ITPR1: variants seen among roughly 807,000 people sequenced by gnomAD.
The protein encoded by ITPR1 is inositol 1,4,5-trisphosphate receptor type 1.
Under a neutral mutation model 318.4 loss-of-function variants are expected in ITPR1, and 96 were observed. The ratio of observed to expected loss-of-function variants is 0.30; its 90% CI spans 0.26 to 0.36. The LOEUF (loss-of-function observed/expected upper bound fraction) is 0.36, where lower values mean the gene tolerates loss of function less well. ITPR1 is among the 10% of genes least tolerant of loss of function. The probability of loss-of-function intolerance (pLI) is 1.00; values close to 1 mark genes in which losing one functional copy is unlikely to be tolerated. For missense variants in ITPR1, 2,440 were observed against 3,460.2 expected (o/e 0.71, Z 7.40); for synonymous variants, 1,312 against 1,289.9 (o/e 1.02, Z -0.37).
intron 44 of ITPR1, among the ~76,000 whole-genome samples, chr3:4,738,131 G>C (rs562392277): frequency 6.6e-6 from 1 of 152,066 alleles, no homozygotes; most frequent in Non-Finnish European, 1.5e-5. Flanking sequence ...TACCAGAGTG[G>C]TGAAGCAATC....
At chr3:4,780,696 G>T (rs919859535) in intron 49 of ITPR1, among the ~76,000 whole-genome samples, 1 of 152,192 alleles carries the variant, frequency 6.6e-6, no homozygotes, top group African/African-American at 2.4e-5. Flanking sequence ...GATCTCTGAG[G>T]TCAGGGAGTA....
chr3:4,499,525 A>G (rs1210851237), intron 2 of ITPR1, among the ~76,000 whole-genome samples: 6 of 152,192 alleles, frequency 3.9e-5, no homozygotes, highest in Non-Finnish European at 4.4e-5. Flanking sequence ...AATACATAAT[A>G]TAATAATTTT....
At chr3:4,518,337 A>G (rs1195046540) in intron 3 of ITPR1, among the ~76,000 whole-genome samples, 1 of 152,120 alleles carries the variant, frequency 6.6e-6, no homozygotes, top group South Asian at 2.1e-4. Flanking sequence ...AATCATATGA[A>G]GTGCTTTTTA....
rs965841287 is a variant in ITPR1 at position 4,725,501 on chromosome 3, G to C, written c.5137-45G>C. ...CTCTGGACTTCTCTGTGGCCCACGA[G>C]ATGCAAGTGCCATGACTAACGTACT... On this transcript the variant is annotated intron_variant, in intron 40 of 61. Coordinates refer to ENST00000649015, the MANE Select transcript of ITPR1 (RefSeq NM_001378452.1). The C allele has an allele frequency of 1.9e-6, 3 of 1,545,050 alleles. No individual in the cohort carries two copies. In the African/African-American group the frequency reaches 4.1e-5, roughly 21 times the overall value.
At chr3:4,568,584 G>A (rs2087634423) in intron 4 of ITPR1, among the ~76,000 whole-genome samples, 1 of 152,204 alleles carries the variant, frequency 6.6e-6, no homozygotes, top group African/African-American at 2.4e-5. Flanking sequence ...GATCTTGAAA[G>A]TCTTGCCACA....
At chr3:4,813,564 C>A (rs1195224080) in intron 57 of ITPR1, among the ~76,000 whole-genome samples, 1 of 152,074 alleles carries the variant, frequency 6.6e-6, no homozygotes, top group Non-Finnish European at 1.5e-5. Flanking sequence ...GGATGGAATA[C>A]AGAAGTTAGG....
At chr3:4,757,171 G>C (rs976058881) in intron 44 of ITPR1, among the ~76,000 whole-genome samples, 2 of 152,262 alleles carry the variant, frequency 1.3e-5, no homozygotes, top group East Asian at 3.9e-4. Context: ...GCCTACCCAG[G>C]TGTGTTTTAT....
chr3:4,678,839 G>T (rs1344273519), intron 24 of ITPR1, among the ~76,000 whole-genome samples: 10 of 152,194 alleles, frequency 6.6e-5, no homozygotes, highest in Admixed American at 6.5e-4. Flanking sequence ...TTCTTGCTGA[G>T]CAGAGACATA....
chr3:4,797,299 G>A (rs1203706503), intron 53 of ITPR1, among the ~76,000 whole-genome samples: 3 of 152,030 alleles, frequency 2.0e-5, no homozygotes, highest in African/African-American at 7.2e-5. Context: ...ATCCTCAGTA[G>A]AAGAGTTGTA....
At chr3:4,720,498 A>G (rs966116180) in intron 40 of ITPR1, among the ~76,000 whole-genome samples, 3 of 152,202 alleles carry the variant, frequency 2.0e-5, no homozygotes, top group African/African-American at 7.2e-5. Flanking sequence ...CCTAGTTTTC[A>G]TAGATGTGTC....
At chr3:4,584,230 C>T (rs1259952570) in intron 4 of ITPR1, among the ~76,000 whole-genome samples, 1 of 152,122 alleles carries the variant, frequency 6.6e-6, no homozygotes, top group Non-Finnish European at 1.5e-5. Context: ...GTCATGTTCT[C>T]AGCACCCACC....
At chr3:4,733,541 T>C (rs2043075021) in intron 43 of ITPR1, among the ~76,000 whole-genome samples, 1 of 152,204 alleles carries the variant, frequency 6.6e-6, no homozygotes, top group Admixed American at 6.5e-5. Context: ...AGGACTCTTG[T>C]CTTTCCGTAA....
chr3:4,681,624 A>AGTATGT lies in ITPR1; in HGVS notation c.3161+208_3161+209insATGTGT, dbSNP rs373511110. Among the ~76,000 whole-genome samples the AGTATGT allele has an allele frequency of 6.1e-3, 896 of 145,878 alleles. 11 individuals are homozygous for AGTATGT. Among genetic ancestry groups the AGTATGT allele is most frequent in the African/African-American group, 0.019 (759 of 39,394 alleles). ...GAGAGTGAGAGAGAGAGAGAGAGAA[A>AGTATGT]GTGTGTGTGTGTGTGTGTGTGTGTG... On this transcript the variant is annotated intron_variant, in intron 26 of 61. Transcript: ENST00000649015.
At chr3:4,621,379 C>T (rs1252433107) in intron 4 of ITPR1, among the ~76,000 whole-genome samples, 3 of 152,146 alleles carry the variant, frequency 2.0e-5, no homozygotes, top group African/African-American at 7.2e-5. Flanking sequence ...CTTGCGAGCA[C>T]TCACTCAGTA....
intron 2 of ITPR1, among the ~76,000 whole-genome samples, chr3:4,509,004 G>A (rs188405364): frequency 1.3e-5 from 2 of 152,204 alleles, no homozygotes; most frequent in Non-Finnish European, 2.9e-5. Context: ...ACAGGACAGA[G>A]GTGAGTGAAG....
intron 11 of ITPR1, among the ~76,000 whole-genome samples, chr3:4,653,332 A>T (rs1488150077): frequency 6.6e-6 from 1 of 152,132 alleles, no homozygotes; most frequent in Admixed American, 6.5e-5. Context: ...GATGATTTTG[A>T]TATATTTAAG....
At chr3:4,783,366 A>C (rs765707558) in intron 50 of ITPR1, among the ~76,000 whole-genome samples, 152 of 152,176 alleles carry the variant, frequency 1.0e-3, no homozygotes, top group Non-Finnish European at 1.8e-3. Context: ...TTTTAAACTC[A>C]GGTACGGGAA....
intron 4 of ITPR1, among the ~76,000 whole-genome samples, chr3:4,550,738 G>A (rs927087408): frequency 6.6e-6 from 1 of 152,100 alleles, no homozygotes; most frequent in Non-Finnish European, 1.5e-5. Flanking sequence ...AAGTTAGCGA[G>A]GCATAGTGGT....
At position 4,697,153 on chromosome 3, in the gene ITPR1, A is replaced by G. The variant is rs3749383; in HGVS notation, c.4288A>G (p.Ile1430Val). The G allele has an allele frequency of 1.2e-3, 1,950 of 1,610,434 alleles. 50 individuals are homozygous for G. The East Asian group carries it at 0.037, about 30-fold the overall frequency. Residue 1430 changes from isoleucine (I) to valine (V), a missense_variant, in exon 34 of 62, where the codon ATT becomes GTT. Physicochemically the swap from Ile to Val is conservative, Grantham distance 29 (BLOSUM62 3). Around this residue, in one of 23 missense-constraint regions of ITPR1, gnomAD observed 222 missense variants for 318.8 expected, o/e 0.70. Transcript: ENST00000649015. ...GCTTCTTTCTATCTTGCAGGTTAAA[A>G]TTGCATACATTAACTTCCTGAATCA... is the stretch of plus-strand genomic sequence containing the variant. ...THEDCIPEVK[I>V]AYINFLNHCY...
Sources: allele counts gnomAD v4.1 joint callset (sites outside exome capture counted in the v4.1 genomes callset), GRCh38; gene constraint gnomAD v4.1.1; regional missense constraint gnomAD v4.1.1; transcripts MANE v1.5; gene names NCBI Gene and HGNC (gene_info 2026-07-23, HGNC 2026-07-21).